BLTP2: variants seen among roughly 807,000 people sequenced by gnomAD.
BLTP2 encodes the protein bridge-like lipid transfer protein family member 2.
the BLTP2 span, chr17:28,617,100 C>A: frequency 8.5e-7 from 1 of 1,171,694 alleles, no homozygotes; most frequent in South Asian, 1.3e-5. Flanking sequence ...AATGGTACTG[C>A]TAAGCTGGGC....
chr17:28,644,149 C>T, the BLTP2 span: 1,314 of 1,614,158 alleles, frequency 8.1e-4, 1 homozygote, highest in South Asian at 1.3e-3. Context: ...CTGCAGCTTC[C>T]GCTGACACCA....
At chr17:28,637,899 A>G in the BLTP2 span, 2 of 1,614,192 alleles carry the variant, frequency 1.2e-6, no homozygotes, top group Non-Finnish European at 1.7e-6. Context: ...TTCCACAGTA[A>G]TGACACAGAT....
chr17:28,642,628 G>GC, the BLTP2 span: 1 of 558,750 alleles, frequency 1.8e-6, no homozygotes, highest in Non-Finnish European at 3.2e-6. Context: ...TCCAGCCTAG[G>GC]CAACAGAGCA....
the BLTP2 span, chr17:28,633,774 A>C: frequency 1.2e-6 from 2 of 1,609,218 alleles, no homozygotes; most frequent in African/African-American, 2.7e-5. Flanking sequence ...AACAAAGGCT[A>C]TAACTTGTTC....
the BLTP2 span, chr17:28,633,467 C>G: frequency 6.3e-7 from 1 of 1,580,274 alleles, no homozygotes; most frequent in Admixed American, 1.7e-5. Context: ...CCCAAATCAG[C>G]ACCTGTCTCT....
At chr17:28,639,360 T>G in the BLTP2 span, 1 of 1,614,182 alleles carries the variant, frequency 6.2e-7, no homozygotes, top group South Asian at 1.1e-5. Context: ...CCCTTGGGTT[T>G]CCAGTGCTAG....
At chr17:28,635,180 G>A in the BLTP2 span, 8 of 1,613,716 alleles carry the variant, frequency 5.0e-6, no homozygotes, top group African/African-American at 1.3e-5. Flanking sequence ...AAGGGGTTCC[G>A]GTGGAGGATC....
the BLTP2 span, chr17:28,637,807 C>A: frequency 1.2e-6 from 2 of 1,604,034 alleles, no homozygotes; most frequent in Non-Finnish European, 1.7e-6. Context: ...AAGTAGCACA[C>A]TTCAGTATAG....
At chr17:28,642,743 G>T in the BLTP2 span, 76 of 671,558 alleles carry the variant, frequency 1.1e-4, no homozygotes, top group Non-Finnish European at 2.0e-4. Flanking sequence ...AAGGCAATTG[G>T]AAATGTCTAA....
At chr17:28,643,256 C>T in the BLTP2 span, 1 of 1,614,162 alleles carries the variant, frequency 6.2e-7, no homozygotes, top group Non-Finnish European at 8.5e-7. Context: ...AGGTCAGAAA[C>T]TTTCTGTAGG....
the BLTP2 span, chr17:28,635,202 C>T: frequency 1.1e-5 from 17 of 1,614,008 alleles, no homozygotes; most frequent in East Asian, 3.6e-4. Flanking sequence ...TCTCTTCCAG[C>T]TCAGGTAGCA....
At chr17:28,635,260 C>G in the BLTP2 span, 1 of 1,614,194 alleles carries the variant, frequency 6.2e-7, no homozygotes, top group Non-Finnish European at 8.5e-7. Flanking sequence ...GCCATCAAAG[C>G]CAGCAGCCAG....
chr17:28,614,470 T>TC, the BLTP2 span: 2 of 388,184 alleles, frequency 5.2e-6, no homozygotes, highest in East Asian at 1.1e-4. Flanking sequence ...TCTTTTTTTT[T>TC]CTCTTTAAAT....
the BLTP2 span, among the ~76,000 whole-genome samples, chr17:28,628,915 C>CAG: frequency 1.3e-5 from 2 of 149,400 alleles, no homozygotes; most frequent in Admixed American, 6.7e-5. Context: ...GCCCAGGCGA[C>CAG]AGAGAGAGAC....
the BLTP2 span, chr17:28,616,030 T>C: frequency 5.3e-6 from 7 of 1,326,874 alleles, no homozygotes; most frequent in African/African-American, 1.4e-5. The surrounding 1 kb of genome is among the most constrained non-coding windows in gnomAD (Gnocchi z 4.8). Flanking sequence ...TCTCCCTGTA[T>C]AGAATCTCTG....
At chr17:28,615,165 T>C in the BLTP2 span, 11 of 1,614,060 alleles carry the variant, frequency 6.8e-6, no homozygotes, top group African/African-American at 1.3e-5. Context: ...TGCTGTTGCA[T>C]GTTCAGGTCC....
At chr17:28,642,393 T>G in the BLTP2 span, 2 of 1,455,324 alleles carry the variant, frequency 1.4e-6, no homozygotes. Flanking sequence ...GGCTCACGCC[T>G]GTAACCCCAG....
the BLTP2 span, chr17:28,645,060 G>T: frequency 6.3e-7 from 1 of 1,591,918 alleles, no homozygotes; most frequent in Admixed American, 1.8e-5. Context: ...GAGGCATTTA[G>T]GTCCGGGTCC....
At chr17:28,643,616 T>C in the BLTP2 span, 3 of 1,613,850 alleles carry the variant, frequency 1.9e-6, no homozygotes, top group East Asian at 2.2e-5. Flanking sequence ...TCACGGAAGA[T>C]CATGGCTAAG....
Sources: allele counts gnomAD v4.1 joint callset (sites outside exome capture counted in the v4.1 genomes callset), GRCh38; gene constraint gnomAD v4.1.1; non-coding constraint Gnocchi (gnomAD v3.1); transcripts MANE v1.5; gene names NCBI Gene and HGNC (gene_info 2026-07-23, HGNC 2026-07-21).